The following DNAJC6 variants were observed in gnomAD, a reference collection of about 807,000 sequenced individuals.
DNAJC6 encodes the protein auxilin.
DNAJC6 carries 34 observed loss-of-function variants against 110.0 expected under a neutral mutation model. The observed-to-expected ratio is 0.31, with a 90% CI of 0.24 to 0.41. The LOEUF (loss-of-function observed/expected upper bound fraction) is 0.41, where lower values mean the gene tolerates loss of function less well. Among genes scored for constraint, DNAJC6 ranks in the 10% least tolerant of loss-of-function variants. The pLI is 1.00. For missense variants in DNAJC6, 1,031 were observed against 1,207.8 expected, an observed-to-expected ratio of 0.85 and a Z score of 2.17; for synonymous variants, 406 against 437.2, an observed-to-expected ratio of 0.93 and a Z score of 0.89.
In DNAJC6 at chr1:65,407,213, A is replaced by C. The variant is rs75338442; in HGVS notation, c.2491+1080A>C. Among the ~76,000 whole-genome samples, 1,350 of 152,204 alleles carry C rather than the reference A, an allele frequency of 8.9e-3. 20 individuals carry two copies. The highest frequency in any genetic ancestry group is 0.031 in the African/African-American group (1,278 of 41,508). Reference sequence around the variant, plus strand: ...CTAGCACATCTATGTTGTATTCTCTACCCACCCATTACTTACTTAGTAGCC... The same window carrying C: ...CTAGCACATCTATGTTGTATTCTCTCCCCACCCATTACTTACTTAGTAGCC... On this transcript the variant is annotated intron_variant, in intron 16 of 18. Transcript: ENST00000371069.
intron 1 of DNAJC6, among the ~76,000 whole-genome samples, chr1:65,350,520 A>T (rs1645480697): frequency 6.6e-6 from 1 of 152,116 alleles, no homozygotes; most frequent in African/African-American, 2.4e-5. Flanking sequence ...TTATATCTGT[A>T]GTTTTATTGT....
At chr1:65,281,898 G>A (rs940961978) in intron 1 of DNAJC6, among the ~76,000 whole-genome samples, 4 of 151,928 alleles carry the variant, frequency 2.6e-5, no homozygotes, top group African/African-American at 7.3e-5. Context: ...GTTAGCCACC[G>A]TGCCCAGCCC....
chr1:65,404,987 A>G (rs1010120060), intron 15 of DNAJC6, among the ~76,000 whole-genome samples: 1 of 152,162 alleles, frequency 6.6e-6, no homozygotes, highest in African/African-American at 2.4e-5. Flanking sequence ...AAAGAGCTAT[A>G]TAAATATTAG....
intron 1 of DNAJC6, among the ~76,000 whole-genome samples, chr1:65,341,729 T>TGGCTTTTGAACATGAGAGTCAAA (rs1645391008): frequency 6.6e-6 from 1 of 151,722 alleles, no homozygotes; most frequent in Non-Finnish European, 1.5e-5. Context: ...TGCTGGTGCA[T>TGGCTTTTGAACATGAGAGTCAAA]GTGGCTTTTG....
At chr1:65,330,028 A>T (rs1408992) in intron 1 of DNAJC6, among the ~76,000 whole-genome samples, 4,775 of 152,256 alleles carry the variant, frequency 0.031, 275 homozygotes, top group African/African-American at 0.11. Context: ...AAGAAACTTG[A>T]GTCCAAAGAG....
intron 1 of DNAJC6, among the ~76,000 whole-genome samples, chr1:65,299,799 C>T (rs1469120923): frequency 6.6e-6 from 1 of 151,848 alleles, no homozygotes; most frequent in South Asian, 2.1e-4. Flanking sequence ...CCTGCAATCC[C>T]AGCACTTTGG....
chr1:65,393,803 C>T lies in DNAJC6; in HGVS notation c.1903+938C>T, dbSNP rs146618723. On this transcript the variant is annotated intron_variant, in intron 12 of 18. Transcript: ENST00000371069. ...TCTCAACTCTTCAGGCCTATAGTAT[C>T]CTATAGGAACATTTTTTTTCCCCAA... Among the ~76,000 whole-genome samples, 19 of 152,192 alleles carry T rather than the reference C, an allele frequency of 1.2e-4. No homozygotes were observed. In the East Asian group the frequency reaches 3.7e-3, roughly 29 times the overall value.
chr1:65,319,841 T>C (rs1243397272), intron 1 of DNAJC6, among the ~76,000 whole-genome samples: 1 of 152,096 alleles, frequency 6.6e-6, no homozygotes, highest in Non-Finnish European at 1.5e-5. Context: ...TCCTTCTCTT[T>C]CTCTTTCCCA....
chr1:65,282,240 G>A (rs1226890836), intron 1 of DNAJC6, among the ~76,000 whole-genome samples: 1 of 151,970 alleles, frequency 6.6e-6, no homozygotes, highest in Non-Finnish European at 1.5e-5. Flanking sequence ...CTTTTTTACA[G>A]CATTTTAGAA....
In DNAJC6 at chr1:65,364,627, T is replaced by C; in HGVS notation, c.194-8T>C. The C allele has an allele frequency of 2.6e-6, 4 of 1,562,112 alleles. No homozygotes were observed. The South Asian group carries it at 3.7e-5, about 14-fold the overall frequency. On this transcript the variant is annotated splice_region_variant and splice_polypyrimidine_tract_variant and intron_variant, in intron 1 of 18. Transcript: ENST00000371069. ...TTTTGTTTGTTTGTTTTTTTTTTTT[T>C]TTGGCAGGTGCCTCATCTCCAGACA... is the stretch of plus-strand genomic sequence containing the variant.
intron 1 of DNAJC6, among the ~76,000 whole-genome samples, chr1:65,342,159 A>G (rs1008791120): frequency 1.3e-5 from 2 of 152,138 alleles, no homozygotes; most frequent in Non-Finnish European, 2.9e-5. Context: ...AAATGTTGTC[A>G]GTGGAACACA....
upstream of DNAJC6, among the ~76,000 whole-genome samples, chr1:65,306,255 G>C (rs1645036844): frequency 6.6e-6 from 1 of 151,940 alleles, no homozygotes; most frequent in Admixed American, 6.6e-5. Flanking sequence ...CACCGTGTTA[G>C]CCAGGATGGT....
intron 1 of DNAJC6, among the ~76,000 whole-genome samples, chr1:65,322,173 T>A (rs1645203021): frequency 6.6e-6 from 1 of 152,206 alleles, no homozygotes; most frequent in South Asian, 2.1e-4. Flanking sequence ...TTGCTTTGTT[T>A]TCAAGCCATT....
At chr1:65,304,383 G>A (rs943515540) in intron 1 of DNAJC6, among the ~76,000 whole-genome samples, 2 of 152,124 alleles carry the variant, frequency 1.3e-5, no homozygotes, top group African/African-American at 4.8e-5. Flanking sequence ...TCTATCTTGT[G>A]TGTTGCTTTA....
intron 1 of DNAJC6, among the ~76,000 whole-genome samples, chr1:65,340,817 G>A (rs1479275815): frequency 6.6e-6 from 1 of 152,172 alleles, no homozygotes. Context: ...CTGTGGCTGT[G>A]TTATTACACT....
At chr1:65,396,770 TG>T (rs1645982513) in intron 13 of DNAJC6, among the ~76,000 whole-genome samples, 1 of 152,232 alleles carries the variant, frequency 6.6e-6, no homozygotes, top group African/African-American at 2.4e-5. Flanking sequence ...CAGGGAATTT[TG>T]TTTTGTTCAT....
intron 1 of DNAJC6, chr1:65,278,880 C>A: frequency 1.3e-6 from 1 of 799,456 alleles, no homozygotes; most frequent in Non-Finnish European, 1.5e-6. Flanking sequence ...AAGAATCTGG[C>A]ATGCGCTAAC....
chr1:65,270,548 T>C (rs534394479), intron 1 of DNAJC6, among the ~76,000 whole-genome samples: 22 of 152,342 alleles, frequency 1.4e-4, no homozygotes, highest in African/African-American at 5.3e-4. Flanking sequence ...GAGATTGAGC[T>C]GAGTATAAAT....
At chr1:65,316,278 G>A (rs970958168) in intron 1 of DNAJC6, among the ~76,000 whole-genome samples, 3 of 152,146 alleles carry the variant, frequency 2.0e-5, no homozygotes, top group African/African-American at 7.2e-5. Context: ...TGCATACACT[G>A]TTCTCTCAAC....
Sources: allele counts gnomAD v4.1 joint callset (sites outside exome capture counted in the v4.1 genomes callset), GRCh38; gene constraint gnomAD v4.1.1; transcripts MANE v1.5; gene names NCBI Gene and HGNC (gene_info 2026-07-23, HGNC 2026-07-21).